Variants in PTER observed in about 807,000 individuals in gnomAD.
PTER encodes phosphotriesterase related, also known as N-acetyltaurine hydrolase.
PTER carries 38 observed loss-of-function variants against 29.6 expected under a neutral mutation model. The observed-to-expected ratio is 1.28, with a 90% CI of 0.99 to 1.68. The LOEUF (loss-of-function observed/expected upper bound fraction) is 1.68. PTER is among the 40% of genes most tolerant of loss of function. The probability of loss-of-function intolerance (pLI) is 0.00; values close to 1 mark genes in which losing one functional copy is unlikely to be tolerated. For missense variants in PTER, 482 were observed against 427.8 expected (o/e 1.13, Z -1.12); for synonymous variants, 172 against 154.5 (o/e 1.11, Z -0.84).
At chr10:16,446,112 T>C (rs1347327069) in intron 1 of PTER, among the ~76,000 whole-genome samples, 3 of 152,208 alleles carry the variant, frequency 2.0e-5, no homozygotes, top group Non-Finnish European at 2.9e-5. Context: ...TTTCCAATAC[T>C]GACATTACTG....
At chr10:16,490,707 C>G (rs1835868500) in intron 3 of PTER, among the ~76,000 whole-genome samples, 1 of 149,980 alleles carries the variant, frequency 6.7e-6, no homozygotes, top group African/African-American at 2.5e-5. Flanking sequence ...ATCTAGTCTG[C>G]CATACTGCTT....
chr10:16,456,854 G>A lies in PTER; in HGVS notation c.-49+19807G>A, dbSNP rs567767146. 3.5e-3 allele frequency among the ~76,000 whole-genome samples: 327 copies of A among 94,276 alleles called. 4 individuals carry two copies. The highest frequency in any genetic ancestry group is 0.016 in the African/African-American group (310 of 19,538). 61.8% of individuals were successfully genotyped at this position (94,276 alleles called of 152,430 possible). A position where few individuals can be genotyped will look rare whatever the true frequency, so the allele number is the denominator to read the frequency against. ...ACCTGGTGGGAGGTAACTGAACCAT[G>A]GGGAAGGTGGGGGGGGGTTCCGCCA... On this transcript the variant is annotated intron_variant, in intron 1 of 4. Coordinates refer to ENST00000535784, the MANE Select transcript of PTER (RefSeq NM_001261836.2).
At chr10:16,464,042 G>A (rs925261633) in intron 1 of PTER, among the ~76,000 whole-genome samples, 8 of 151,906 alleles carry the variant, frequency 5.3e-5, no homozygotes, top group African/African-American at 1.5e-4. Context: ...CTACTTCACC[G>A]GTACATTAGG....
chr10:16,501,357 A>G (rs1480160958), intron 3 of PTER, among the ~76,000 whole-genome samples: 5 of 115,042 alleles, frequency 4.3e-5, no homozygotes, highest in Non-Finnish European at 6.7e-5. Context: ...ACACACACAC[A>G]CACACACACA....
intron 1 of PTER, among the ~76,000 whole-genome samples, chr10:16,455,753 C>A (rs1834372474): frequency 6.6e-6 from 1 of 151,968 alleles, no homozygotes; most frequent in African/African-American, 2.4e-5. Context: ...AACAAGAACT[C>A]AAGAATAAAA....
chr10:16,458,132 A>G (rs1834479178), intron 1 of PTER, among the ~76,000 whole-genome samples: 1 of 152,224 alleles, frequency 6.6e-6, no homozygotes, highest in Non-Finnish European at 1.5e-5. Context: ...TATCTTGTGG[A>G]AAGACCTTAT....
chr10:16,482,423 G>A (rs1299008354), intron 1 of PTER, among the ~76,000 whole-genome samples: 3 of 152,080 alleles, frequency 2.0e-5, no homozygotes, highest in East Asian at 1.9e-4. Flanking sequence ...CCTAGAATTC[G>A]CAAAACAAAG....
chr10:16,443,845 G>A (rs1025154807), intron 1 of PTER, among the ~76,000 whole-genome samples: 9 of 152,174 alleles, frequency 5.9e-5, no homozygotes, highest in Admixed American at 1.3e-4. Context: ...CCAGAGGATC[G>A]CTAGAGTATG....
rs575537642 is a variant in PTER at position 16,492,444 on chromosome 10, A to G, written c.698+5827A>G. Reference sequence around the variant, plus strand: ...ATAGCACTGCCTTGGCCTCCGGTCTAATACAGGCTAGATGCGATTAAAAAA... The same window carrying G: ...ATAGCACTGCCTTGGCCTCCGGTCTGATACAGGCTAGATGCGATTAAAAAA... On this transcript the variant is annotated intron_variant, in intron 3 of 4. Transcript: ENST00000535784. Among the ~76,000 whole-genome samples, 53 of 152,312 alleles carry G rather than the reference A, an allele frequency of 3.5e-4. 1 individual carries two copies. Among genetic ancestry groups the G allele is most frequent in the Admixed American group, 9.2e-4 (14 of 15,294 alleles).
chr10:16,438,974 A>G (rs1489943835), intron 1 of PTER, among the ~76,000 whole-genome samples: 2 of 151,528 alleles, frequency 1.3e-5, no homozygotes, highest in Non-Finnish European at 2.9e-5. Flanking sequence ...GGATGTAATA[A>G]TCTATGGATT....
At chr10:16,498,042 T>C (rs762067919) in intron 3 of PTER, among the ~76,000 whole-genome samples, 6 of 152,238 alleles carry the variant, frequency 3.9e-5, no homozygotes, top group Admixed American at 6.5e-5. Flanking sequence ...AATGATATCA[T>C]ATGAATGACA....
intron 3 of PTER, among the ~76,000 whole-genome samples, chr10:16,499,111 A>G (rs1418789962): frequency 6.6e-6 from 1 of 152,050 alleles, no homozygotes; most frequent in African/African-American, 2.4e-5. Context: ...TTGAGACCTG[A>G]GTTTATCTTT....
intron 1 of PTER, among the ~76,000 whole-genome samples, chr10:16,450,001 T>A (rs12570568): frequency 0.24 from 36,492 of 152,126 alleles, 4,526 homozygotes; most frequent in Middle Eastern, 0.38. Flanking sequence ...GAATCCCTGC[T>A]TAGTGGGCCC....
At chr10:16,516,206 A>G (rs527983986), downstream of PTER, among the ~76,000 whole-genome samples, 1 of 152,194 alleles carries the variant, frequency 6.6e-6, no homozygotes, top group African/African-American at 2.4e-5. Context: ...TGAAAGCAAT[A>G]TACCATGTAA....
intron 1 of PTER, among the ~76,000 whole-genome samples, chr10:16,448,263 T>C (rs1299440653): frequency 6.6e-6 from 1 of 152,188 alleles, no homozygotes; most frequent in African/African-American, 2.4e-5. Flanking sequence ...TTGGGCACCA[T>C]TGGATCTGCT....
chr10:16,438,818 G>C (rs777882365), intron 1 of PTER, among the ~76,000 whole-genome samples: 4 of 151,220 alleles, frequency 2.6e-5, no homozygotes, highest in Admixed American at 6.6e-5. Flanking sequence ...CTACTGGAGA[G>C]GCTGAGGCAC....
intron 3 of PTER, among the ~76,000 whole-genome samples, chr10:16,499,145 G>T (rs1391669300): frequency 6.6e-6 from 1 of 152,162 alleles, no homozygotes. Context: ...GTCCTCATCT[G>T]TAAGATGGGG....
At chr10:16,459,379 G>C (rs918544160) in intron 1 of PTER, among the ~76,000 whole-genome samples, 2 of 152,230 alleles carry the variant, frequency 1.3e-5, no homozygotes, top group African/African-American at 4.8e-5. Flanking sequence ...AAATTCTTCA[G>C]ATTCTACCAG....
chr10:16,438,714 G>A (rs981580289), intron 1 of PTER, among the ~76,000 whole-genome samples: 3 of 151,250 alleles, frequency 2.0e-5, no homozygotes, highest in South Asian at 4.2e-4. Context: ...GATCACTTGA[G>A]GCCAGGAGTT....
Sources: allele counts gnomAD v4.1 joint callset (sites outside exome capture counted in the v4.1 genomes callset), GRCh38; gene constraint gnomAD v4.1.1; transcripts MANE v1.5; gene names NCBI Gene and HGNC (gene_info 2026-07-23, HGNC 2026-07-21).